Variants in GALK1 observed in about 807,000 individuals in gnomAD.
The protein encoded by GALK1 is galactokinase.
A neutral mutation model predicts 38.6 loss-of-function variants in GALK1; 30 were observed. The observed-to-expected ratio is 0.78, with a 90% CI of 0.58 to 1.05. The LOEUF is 1.05. Among genes scored for constraint, GALK1 ranks in the 50% least tolerant of loss-of-function variants. The pLI is 0.00. For missense variants in GALK1, 512 were observed against 540.5 expected, an observed-to-expected ratio of 0.95 and a Z score of 0.52; for synonymous variants, 240 against 233.6, an observed-to-expected ratio of 1.03 and a Z score of -0.25.
rs543460637 is a variant in GALK1 at position 75,765,041 on chromosome 17, C to T, written c.96G>A (p.Val32=). The T allele has an allele frequency of 1.2e-6, 2 of 1,608,836 alleles. No individual in the cohort carries two copies. Among genetic ancestry groups the T allele is most frequent in the South Asian group, 2.2e-5 (2 of 90,476 alleles). ...TGAGGTTGACGCGGCCCGGCGCTGA[C>T]ACGGCCAGCTCGGGCTCGGCCCCGA... ...EEFGAEPELA[V]SAPGRVNLIG... is the part of the protein sequence containing the mutation. Residue 32 remains valine, a synonymous_variant, in exon 1 of 8, where the codon GTG becomes GTA. Transcript: ENST00000588479.
At chr17:75,751,989 G>GTCCA in intron 8 of GALK1, 1 of 743,222 alleles carries the variant, frequency 1.3e-6, no homozygotes, top group African/African-American at 1.7e-5. Context: ...GGTGACATAT[G>GTCCA]TCCACGCCAG....
At chr17:75,752,184 G>A (rs766965294) in intron 8 of GALK1, 11 of 1,613,968 alleles carry the variant, frequency 6.8e-6, no homozygotes, top group Non-Finnish European at 9.3e-6. Flanking sequence ...GACCTATTGG[G>A]CCCATGAAGA....
chr17:75,757,313 G>A (rs764842316), downstream of GALK1: 1 of 1,612,500 alleles, frequency 6.2e-7, no homozygotes, highest in Non-Finnish European at 8.5e-7. Flanking sequence ...CCTAGTGGGT[G>A]AGCACTGAGG....
chr17:75,763,976 C>A lies in GALK1; in HGVS notation c.276G>T (p.Leu92=). ...ADEPQRLQFP[L]PTAQRSLEPG... ...GCTCCAGCGAGCGCTGGGCTGTGGG[C>A]AGTGGAAACTGCAGCCGCTGGGGCT... is the stretch of plus-strand genomic sequence containing the variant. Residue 92 remains leucine, a synonymous_variant, in exon 2 of 8, where the codon CTG becomes CTT. Coordinates refer to ENST00000588479, the MANE Select transcript of GALK1 (RefSeq NM_000154.2). The A allele has an allele frequency of 6.2e-7, 1 of 1,612,858 alleles. No individual in the cohort carries two copies. The highest frequency in any genetic ancestry group is 8.5e-7 in the Non-Finnish European group (1 of 1,179,876).
At chr17:75,764,158 A>C in intron 1 of GALK1, 72 bp from the exon 2 acceptor site, 3 of 1,398,762 alleles carry the variant, frequency 2.1e-6, no homozygotes, top group Non-Finnish European at 3.0e-6. Context: ...CACTGCCTCC[A>C]GCCGAGGTTC....
downstream of GALK1, chr17:75,755,007 T>C: frequency 6.4e-7 from 1 of 1,574,656 alleles, no homozygotes; most frequent in Non-Finnish European, 8.6e-7. Context: ...CGTACACACA[T>C]GCATGCACAC....
chr17:75,759,215 G>C (rs1254654052), intron 5 of GALK1, among the ~76,000 whole-genome samples: 2 of 152,112 alleles, frequency 1.3e-5, no homozygotes, highest in African/African-American at 4.8e-5. Flanking sequence ...ATTGCCTGAG[G>C]TCAGGAGCTC....
intron 8 of GALK1, among the ~76,000 whole-genome samples, chr17:75,752,851 G>T: frequency 6.6e-6 from 1 of 152,154 alleles, no homozygotes; most frequent in East Asian, 1.9e-4. Flanking sequence ...CACCAGCTGT[G>T]CCATGCACAC....
At chr17:75,753,512 C>CG (rs952768403), downstream of GALK1, among the ~76,000 whole-genome samples, 10 of 152,280 alleles carry the variant, frequency 6.6e-5, no homozygotes, top group South Asian at 2.1e-4. Context: ...CTGGCGGGTC[C>CG]GGGGGTCTCT....
chr17:75,763,675 G>GA, intron 2 of GALK1: 1 of 692,492 alleles, frequency 1.4e-6, no homozygotes, highest in Non-Finnish European at 2.5e-6. Flanking sequence ...GCTCTGGAGG[G>GA]AAAAAAGGCT....
At chr17:75,754,635 A>G, downstream of GALK1, 1 of 1,614,014 alleles carries the variant, frequency 6.2e-7, no homozygotes, top group East Asian at 2.2e-5. Flanking sequence ...CTCCCTGCAC[A>G]GGATGACCAC....
chr17:75,758,605 G>C lies in GALK1; in HGVS notation c.794-6C>G. Reference sequence around the variant, plus strand: ...GCTCACCAGGTCCCTGGCAGCTGGGGAGGAAAGAGGAGTCAGCAGCCGCCT... The same window carrying C: ...GCTCACCAGGTCCCTGGCAGCTGGGCAGGAAAGAGGAGTCAGCAGCCGCCT... On this transcript the variant is annotated splice_region_variant and splice_polypyrimidine_tract_variant and intron_variant, in intron 5 of 7. Transcript: ENST00000588479. The C allele has an allele frequency of 6.3e-7, 1 of 1,584,962 alleles. No individual in the cohort carries two copies. The highest frequency in any genetic ancestry group is 8.5e-7 in the Non-Finnish European group (1 of 1,173,398).
At chr17:75,761,843 C>G (rs914681428) in intron 5 of GALK1, among the ~76,000 whole-genome samples, 5 of 151,720 alleles carry the variant, frequency 3.3e-5, no homozygotes, top group Non-Finnish European at 7.4e-5. Flanking sequence ...CATGGTGAAA[C>G]CCCAGTCTCT....
downstream of GALK1, chr17:75,754,926 A>ACACGCATG: frequency 6.5e-7 from 1 of 1,544,506 alleles, no homozygotes; most frequent in Non-Finnish European, 8.9e-7. Flanking sequence ...CAACATACAC[A>ACACGCATG]CACGCATGCA....
At chr17:75,764,595 C>T (rs1441705299) in intron 1 of GALK1, 2 of 452,800 alleles carry the variant, frequency 4.4e-6, no homozygotes, top group East Asian at 5.2e-5. Context: ...GGCCAGAAGG[C>T]TACGTTCGCC....
chr17:75,763,222 A>T, intron 3 of GALK1, 73 bp from the exon 4 acceptor site: 1 of 1,609,952 alleles, frequency 6.2e-7, no homozygotes, highest in Non-Finnish European at 8.5e-7. Context: ...CTCCAGGGAG[A>T]GTCCCTGCCA....
chr17:75,762,648 A>G, intron 5 of GALK1, 56 bp downstream of exon 5: 2 of 1,591,176 alleles, frequency 1.3e-6, no homozygotes, highest in South Asian at 2.2e-5. Flanking sequence ...GGCCACACTG[A>G]GGCGCCAGCA....
In GALK1 at chr17:75,758,260, C is replaced by T. The variant is rs749948423; in HGVS notation, c.1057G>A (p.Val353Met). 5 of 1,598,656 alleles carry T rather than the reference C, an allele frequency of 3.1e-6. No homozygotes were observed. Among genetic ancestry groups the T allele is most frequent in the Non-Finnish European group, 4.3e-6 (5 of 1,173,750 alleles). The change falls in exon 7 of 8, where the codon GTG becomes ATG. Residue 353 changes from valine (V) to methionine (M), a missense_variant. Coordinates refer to ENST00000588479, the MANE Select transcript of GALK1 (RefSeq NM_000154.2). ...MTGGGFGGCT[V>M]TLLEASAAPH... ...GCAGCGGAGGCCTCCAGCAGTGTCA[C>T]CGTGCAGCCACCGAAGCCACCGCCC...
At chr17:75,756,984 AGCCGGCTGACCGT>A, downstream of GALK1, 2 of 1,612,826 alleles carry the variant, frequency 1.2e-6, no homozygotes, top group Non-Finnish European at 1.7e-6. Context: ...CAGCCCCGAG[AGCCGGCTGACCGT>A]GCCGGGCCTC....
Sources: allele counts gnomAD v4.1 joint callset (sites outside exome capture counted in the v4.1 genomes callset), GRCh38; gene constraint gnomAD v4.1.1; transcripts MANE v1.5; gene names NCBI Gene and HGNC (gene_info 2026-07-23, HGNC 2026-07-21).